Variants in BRSK2 observed in about 807,000 individuals in gnomAD.
BRSK2 encodes serine/threonine-protein kinase BRSK2.
BRSK2 carries 19 observed loss-of-function variants against 83.3 expected under a neutral mutation model. That is an observed-to-expected ratio of 0.23 (90% CI 0.16 to 0.33). The LOEUF is 0.33. Ranked by LOEUF, BRSK2 falls within the 10% of genes least tolerant of loss-of-function variation. The probability of loss-of-function intolerance (pLI) is 1.00; values close to 1 mark genes in which losing one functional copy is unlikely to be tolerated. For synonymous variants in BRSK2, 519 were observed against 435.4 expected (o/e 1.19, Z -2.39); for missense variants, 798 against 1,042.3 (o/e 0.77, Z 3.23).
chr11:1,418,923 CT>C (rs1045359103), intron 1 of BRSK2, among the ~76,000 whole-genome samples: 10 of 151,932 alleles, frequency 6.6e-5, no homozygotes, highest in Non-Finnish European at 1.2e-4. Flanking sequence ...GAAGTTTTTT[CT>C]TTTTTTTCTG....
intron 1 of BRSK2, among the ~76,000 whole-genome samples, chr11:1,402,030 C>A (rs2134053396): frequency 6.6e-6 from 1 of 152,320 alleles, no homozygotes; most frequent in Admixed American, 6.5e-5. Context: ...TGAGCAGACC[C>A]ACAGGACCCA....
At chr11:1,404,338 C>T (rs943358332) in intron 1 of BRSK2, among the ~76,000 whole-genome samples, 3 of 152,194 alleles carry the variant, frequency 2.0e-5, no homozygotes, top group Non-Finnish European at 1.5e-5. Flanking sequence ...TCTCCTATCA[C>T]GTCCCCTCTT....
At chr11:1,448,433 C>A (rs542190448) in intron 12 of BRSK2, among the ~76,000 whole-genome samples, 1 of 152,336 alleles carries the variant, frequency 6.6e-6, no homozygotes, top group South Asian at 2.1e-4. Context: ...ACTCTGCCTG[C>A]CCTGGCTGCC....
chr11:1,407,727 T>G (rs1846992173), intron 1 of BRSK2, among the ~76,000 whole-genome samples: 1 of 152,232 alleles, frequency 6.6e-6, no homozygotes, highest in African/African-American at 2.4e-5. Flanking sequence ...AATATTGAAT[T>G]GTGAAAACCA....
At chr11:1,435,988 C>G in intron 1 of BRSK2, 52 bp from the exon 2 acceptor site, 1 of 1,425,122 alleles carries the variant, frequency 7.0e-7, no homozygotes, top group Non-Finnish European at 9.7e-7. Context: ...CGGCTGGGTG[C>G]TCGCTGCAGG....
intron 1 of BRSK2, among the ~76,000 whole-genome samples, chr11:1,421,650 G>A (rs963638393): frequency 1.3e-5 from 2 of 152,208 alleles, no homozygotes; most frequent in African/African-American, 2.4e-5. Context: ...TGTTCTGAGC[G>A]TGTGCTGAGG....
intron 12 of BRSK2, among the ~76,000 whole-genome samples, chr11:1,447,252 C>A (rs959077054): frequency 6.6e-6 from 1 of 152,318 alleles, no homozygotes; most frequent in East Asian, 1.9e-4. Flanking sequence ...GGCACCACAA[C>A]CTGTAGCCCA....
At chr11:1,434,278 A>T (rs1265301317) in intron 1 of BRSK2, among the ~76,000 whole-genome samples, 1 of 152,176 alleles carries the variant, frequency 6.6e-6, no homozygotes, top group Non-Finnish European at 1.5e-5. Flanking sequence ...GCCCAGTGGG[A>T]ATGCCAGCCA....
At chr11:1,458,803 G>C (rs558837484) in intron 18 of BRSK2, among the ~76,000 whole-genome samples, 1 of 152,190 alleles carries the variant, frequency 6.6e-6, no homozygotes, top group African/African-American at 2.4e-5. Context: ...GGAAGCCACA[G>C]GGCCCTGGAG....
intron 1 of BRSK2, among the ~76,000 whole-genome samples, chr11:1,417,657 G>A (rs1848234340): frequency 7.0e-6 from 1 of 143,684 alleles, no homozygotes; most frequent in Non-Finnish European, 1.5e-5. Flanking sequence ...TTCTTCTCTT[G>A]AGAGTGGGTC....
rs771846310 is a variant in BRSK2, at chr11:1,454,491, G to T, written c.1551G>T (p.Ala517=). The stretch of plus-strand genomic sequence containing the variant: ...TCTGTCTCCCACTGCCCAGGCTGGC[G>T]AAGAAGTCCTGGTTTGGGAACTTCA... ...NLTPESSPEL[A]KKSWFGNFIS... Residue 517 remains alanine (A), a synonymous_variant, in exon 16 of 20, where the codon GCG becomes GCT. Transcript: ENST00000528841. This position sits in a 1 kb window ranked among gnomAD's most constrained non-coding sequence, Gnocchi z 5.2. The T allele has an allele frequency of 6.2e-7, 1 of 1,613,040 alleles. No individual in the cohort carries two copies. The highest frequency in any genetic ancestry group is 1.1e-5 in the South Asian group (1 of 91,076).
At chr11:1,443,657 C>T (rs760371978) in intron 8 of BRSK2, 22 bp downstream of exon 8, 39 of 1,550,400 alleles carry the variant, frequency 2.5e-5, no homozygotes, top group African/African-American at 1.1e-4. Context: ...CGGAGCGGGG[C>T]GGCCCCAGAG....
intron 1 of BRSK2, among the ~76,000 whole-genome samples, chr11:1,400,114 C>T (rs971992365): frequency 1.3e-5 from 2 of 152,376 alleles, no homozygotes; most frequent in African/African-American, 2.4e-5. Context: ...GGAAGCCAGT[C>T]GGATGCTGGG....
chr11:1,449,438 C>T (rs1385393342), intron 12 of BRSK2, among the ~76,000 whole-genome samples: 2 of 152,220 alleles, frequency 1.3e-5, no homozygotes. Flanking sequence ...GGGCTGCATA[C>T]AGGAAGCTCC....
rs1363602169 is a variant in BRSK2, at chr11:1,390,744, GC to G, written c.91+372del. On this transcript the variant is annotated intron_variant, in intron 1 of 19. Transcript: ENST00000528841. The surrounding 1 kb of genome is among the most constrained non-coding windows in gnomAD (Gnocchi z 6.8). The stretch of plus-strand genomic sequence containing the variant: ...CGCGGGAGGAGGGGGCCGCGCGGGC[GC>G]CCATCTGCCGTCTGCCGCGGCCGCG... 6.6e-6 allele frequency among the ~76,000 whole-genome samples: 1 copy of G among 151,628 alleles called. No homozygotes were observed. The highest frequency in any genetic ancestry group is 6.6e-5 in the Admixed American group (1 of 15,234).
intron 12 of BRSK2, among the ~76,000 whole-genome samples, chr11:1,447,242 G>A (rs1852272688): frequency 6.6e-6 from 1 of 152,172 alleles, no homozygotes; most frequent in Non-Finnish European, 1.5e-5. Flanking sequence ...ATGTCATGGG[G>A]GCACCACAAC....
At chr11:1,394,857 CTGGAGATGGGCCA>C (rs1335296841) in intron 1 of BRSK2, among the ~76,000 whole-genome samples, 15 of 96,664 alleles carry the variant, frequency 1.6e-4, no homozygotes, top group Non-Finnish European at 3.0e-4. Flanking sequence ...AGATGGGCCC[CTGGAGATGGGCCA>C]TGGAGATGGG....
chr11:1,408,260 G>A (rs1847052522), intron 1 of BRSK2, among the ~76,000 whole-genome samples: 1 of 152,218 alleles, frequency 6.6e-6, no homozygotes, highest in African/African-American at 2.4e-5. Context: ...GTGTCCAGCA[G>A]TCCTCTGCAG....
chr11:1,444,964 C>G lies in BRSK2; in HGVS notation c.781-7C>G, dbSNP rs1168218918. The G allele has an allele frequency of 6.2e-7, 1 of 1,612,662 alleles. No individual in the cohort carries two copies. The highest frequency in any genetic ancestry group is 1.3e-5 in the African/African-American group (1 of 75,024). On this transcript the variant is annotated splice_polypyrimidine_tract_variant and splice_region_variant and intron_variant, in intron 8 of 19. Coordinates refer to ENST00000528841, the MANE Select transcript of BRSK2 (RefSeq NM_001256627.2). ...CGTACTAACTCCCTGTTTCTCTTTCCTTGTAGCTAGAGCACATTCAGAAAC... is the reference window on the plus strand; with the variant it reads ...CGTACTAACTCCCTGTTTCTCTTTCGTTGTAGCTAGAGCACATTCAGAAAC...
Sources: allele counts gnomAD v4.1 joint callset (sites outside exome capture counted in the v4.1 genomes callset), GRCh38; gene constraint gnomAD v4.1.1; non-coding constraint Gnocchi (gnomAD v3.1); transcripts MANE v1.5; gene names NCBI Gene and HGNC (gene_info 2026-07-23, HGNC 2026-07-21).